ARRB1: variants seen among roughly 807,000 people sequenced by gnomAD.
The protein encoded by ARRB1 is arrestin beta 1.
ARRB1 carries 21 observed loss-of-function variants against 56.8 expected under a neutral mutation model. The observed-to-expected ratio is 0.37, with a 90% CI of 0.26 to 0.53. The LOEUF is 0.53. Among genes scored for constraint, ARRB1 ranks in the 20% least tolerant of loss-of-function variants. The pLI is 0.88. For synonymous variants in ARRB1, 210 were observed against 218.6 expected, an observed-to-expected ratio of 0.96 and a Z score of 0.35; for missense variants, 424 against 553.7, an observed-to-expected ratio of 0.77 and a Z score of 2.35.
intron 1 of ARRB1, among the ~76,000 whole-genome samples, chr11:75,310,379 G>A (rs780682345): frequency 7.9e-5 from 12 of 152,294 alleles, no homozygotes; most frequent in Non-Finnish European, 1.6e-4. Flanking sequence ...GCCATCCAGG[G>A]CCCTGCCTCT....
chr11:75,274,611 G>A, intron 10 of ARRB1: 1 of 163,008 alleles, frequency 6.1e-6, no homozygotes, highest in Non-Finnish European at 1.4e-5. Flanking sequence ...CTAACAAGGT[G>A]AAACCCCGTC....
At chr11:75,281,701 A>C in intron 6 of ARRB1, 1 of 499,500 alleles carries the variant, frequency 2.0e-6, no homozygotes, top group East Asian at 3.3e-5. Context: ...TCCTCAGAAC[A>C]CTTTGGTCCT....
At chr11:75,295,264 T>C (rs1000628355) in intron 1 of ARRB1, among the ~76,000 whole-genome samples, 27 of 147,610 alleles carry the variant, frequency 1.8e-4, no homozygotes, top group African/African-American at 6.3e-4. Flanking sequence ...ACCCAACATA[T>C]TATCTTATAG....
chr11:75,330,780 T>C (rs1302254471), intron 1 of ARRB1, among the ~76,000 whole-genome samples: 5 of 152,308 alleles, frequency 3.3e-5, no homozygotes, highest in Admixed American at 3.3e-4. Context: ...ATGGTACAGC[T>C]ATTTTCCCAT....
chr11:75,267,713 G>T lies in ARRB1; in HGVS notation c.1094-10C>A. Reference sequence around the variant, plus strand: ...GTCTCGTTCTCTGGAACTAAACACAGGGTGGGTGGGCAGGGTGTCCAGGGA... The same window carrying T: ...GTCTCGTTCTCTGGAACTAAACACATGGTGGGTGGGCAGGGTGTCCAGGGA... On this transcript the variant is annotated splice_polypyrimidine_tract_variant and intron_variant, in intron 14 of 15. Coordinates refer to ENST00000420843, the MANE Select transcript of ARRB1 (RefSeq NM_004041.5). 2 of 1,573,640 alleles carry T rather than the reference G, an allele frequency of 1.3e-6. No individual in the cohort carries two copies. The highest frequency in any genetic ancestry group is 1.7e-6 in the Non-Finnish European group (2 of 1,151,980).
In ARRB1 at chr11:75,263,571, T is replaced by G. The variant is rs193054175; in HGVS notation, c.*2592A>C. On this transcript the variant is annotated 3_prime_UTR_variant, in exon 16 of 16. Transcript: ENST00000420843. ...AGCCCTGAAGGCAACTGCCCTCTAT[T>G]ACTTATCCCTACAACGTTTCCCTGA... 6.6e-5 allele frequency among the ~76,000 whole-genome samples: 10 copies of G among 152,272 alleles called. 1 individual carries two copies. Among genetic ancestry groups the G allele is most frequent in the Non-Finnish European group, 1.2e-4 (8 of 68,010 alleles).
At position 75,264,202 on chromosome 11, in the gene ARRB1, C is replaced by A. The variant is rs903466846; in HGVS notation, c.*1961G>T. 1 of 152,226 alleles carries A rather than the reference C, an allele frequency of 6.6e-6. No homozygotes were observed. 9.4% of individuals were successfully genotyped at this position (152,226 alleles called of 1,614,324 possible). ...GAGTGGTCATGAGACTCAGAAGTCG[C>A]GCTGCCAGGCTTGTGAAACAGGTGA... is the stretch of plus-strand genomic sequence containing the variant. On this transcript the variant is annotated 3_prime_UTR_variant, in exon 16 of 16. Coordinates refer to ENST00000420843, the MANE Select transcript of ARRB1 (RefSeq NM_004041.5).
At chr11:75,272,816 A>G in intron 12 of ARRB1, 79 bp downstream of exon 12, 2 of 1,415,224 alleles carry the variant, frequency 1.4e-6, no homozygotes, top group Non-Finnish European at 2.0e-6. Context: ...GCAAACAGGC[A>G]GAATGGGGCA....
chr11:75,262,277 A>G lies in ARRB1; in HGVS notation c.*3886T>C, dbSNP rs1054007732. ...CCTTGGCCTCTGTGGGGTCTGAGAG[A>G]TGGGAGATGTGACACCAGGCCTAGG... On this transcript the variant is annotated 3_prime_UTR_variant, in exon 16 of 16. Coordinates refer to ENST00000420843, the MANE Select transcript of ARRB1 (RefSeq NM_004041.5). The G allele has an allele frequency of 1.2e-4, 19 of 152,126 alleles. No individual in the cohort carries two copies. Among genetic ancestry groups the G allele is most frequent in the African/African-American group, 4.1e-4 (17 of 41,408 alleles). 9.4% of individuals were successfully genotyped at this position (152,126 alleles called of 1,614,324 possible).
At chr11:75,342,919 G>C (rs193268952) in intron 1 of ARRB1, among the ~76,000 whole-genome samples, 3 of 152,122 alleles carry the variant, frequency 2.0e-5, no homozygotes, top group Non-Finnish European at 4.4e-5. Context: ...CTGCCCTTTA[G>C]GTCACAAAGA....
In ARRB1 at chr11:75,262,005, C is replaced by T. The variant is rs1449574167; in HGVS notation, c.*4158G>A. 6.6e-6 allele frequency: 1 copy of T among 152,202 alleles called. No homozygotes were observed. Among genetic ancestry groups the T allele is most frequent in the African/African-American group, 2.4e-5 (1 of 41,440 alleles). 9.4% of individuals were successfully genotyped at this position (152,202 alleles called of 1,614,324 possible). On this transcript the variant is annotated 3_prime_UTR_variant, in exon 16 of 16. Coordinates refer to ENST00000420843, the MANE Select transcript of ARRB1 (RefSeq NM_004041.5). ...AAGCTGCCGCTCTGGGATGCTGACGCCACTGCATCCGCTGTGGCTCGGCTC... is the reference window on the plus strand; with the variant it reads ...AAGCTGCCGCTCTGGGATGCTGACGTCACTGCATCCGCTGTGGCTCGGCTC...
chr11:75,288,424 T>C (rs552218538), intron 2 of ARRB1, among the ~76,000 whole-genome samples: 1 of 152,098 alleles, frequency 6.6e-6, no homozygotes, highest in South Asian at 2.1e-4. Context: ...CAGAGCGTCA[T>C]CCTGATGTGT....
chr11:75,342,562 C>T (rs1947706948), intron 1 of ARRB1, among the ~76,000 whole-genome samples: 1 of 152,152 alleles, frequency 6.6e-6, no homozygotes, highest in Non-Finnish European at 1.5e-5. Flanking sequence ...CCATGGTCCC[C>T]TCCTCAGGCC....
In ARRB1 at chr11:75,267,639, G is replaced by T; in HGVS notation, c.1145+13C>A. On this transcript the variant is annotated intron_variant, in intron 15 of 15. Coordinates refer to ENST00000420843, the MANE Select transcript of ARRB1 (RefSeq NM_004041.5). ...GCCCACCCCCGGATGTCTGCAGGCA[G>T]GGTTCAGCTTACTTTGTGTCAAGTT... is the stretch of plus-strand genomic sequence containing the variant. 6.8e-7 allele frequency: 1 copy of T among 1,462,060 alleles called. No individual in the cohort carries two copies. Among genetic ancestry groups the T allele is most frequent in the Non-Finnish European group, 9.2e-7 (1 of 1,083,148 alleles). 90.6% of individuals were successfully genotyped at this position (1,462,060 alleles called of 1,614,324 possible).
chr11:75,330,475 C>T (rs962197435), intron 1 of ARRB1, among the ~76,000 whole-genome samples: 1 of 152,132 alleles, frequency 6.6e-6, no homozygotes, highest in Non-Finnish European at 1.5e-5. Context: ...AATGTTTATG[C>T]CAAGCCCAGC....
chr11:75,305,018 CTTTTTTTTTTTT>C (rs35323331), intron 1 of ARRB1, among the ~76,000 whole-genome samples: 45 of 86,734 alleles, frequency 5.2e-4, no homozygotes, highest in Admixed American at 2.9e-3. Context: ...TTCTTTCTTT[CTTTTTTTTTTTT>C]TTTTTTTTTT....
chr11:75,325,832 G>C (rs1345327942), intron 1 of ARRB1, among the ~76,000 whole-genome samples: 1 of 152,128 alleles, frequency 6.6e-6, no homozygotes, highest in Non-Finnish European at 1.5e-5. Context: ...TGTGCGTAAA[G>C]GGACCTCTGA....
chr11:75,328,579 C>T (rs1591980342), intron 1 of ARRB1, among the ~76,000 whole-genome samples: 1 of 152,356 alleles, frequency 6.6e-6, no homozygotes, highest in East Asian at 1.9e-4. Flanking sequence ...ATTCACCCAT[C>T]CCAAGTGTCA....
At chr11:75,287,187 G>T in intron 3 of ARRB1, 128 bp downstream of exon 3, 1 of 921,238 alleles carries the variant, frequency 1.1e-6, no homozygotes, top group Non-Finnish European at 1.6e-6. Flanking sequence ...AATGCTTGCT[G>T]CCTGAAGCAG....
Sources: allele counts gnomAD v4.1 joint callset (sites outside exome capture counted in the v4.1 genomes callset), GRCh38; gene constraint gnomAD v4.1.1; transcripts MANE v1.5; gene names NCBI Gene and HGNC (gene_info 2026-07-23, HGNC 2026-07-21).